Variants in ZNF658 observed in about 807,000 individuals in gnomAD.
The protein encoded by ZNF658 is zinc finger protein 658.
Under a neutral mutation model 78.0 loss-of-function variants are expected in ZNF658, and 46 were observed. The observed-to-expected ratio is 0.59, with a 90% CI of 0.47 to 0.75. The LOEUF is 0.75. ZNF658 is among the 30% of genes least tolerant of loss of function. The probability of loss-of-function intolerance (pLI) is 0.00; values close to 1 mark genes in which losing one functional copy is unlikely to be tolerated. For missense variants in ZNF658, 785 were observed against 1,189.3 expected, an observed-to-expected ratio of 0.66 and a Z score of 5.00; for synonymous variants, 279 against 408.4, an observed-to-expected ratio of 0.68 and a Z score of 3.82.
rs759287129 is a variant in ZNF658 at position 66,918,524 on chromosome 9, A to G, written c.958A>G (p.Thr320Ala). 13 of 1,606,688 alleles carry G rather than the reference A, an allele frequency of 8.1e-6. 1 individual carries two copies. In the African/African-American group the frequency reaches 1.3e-4, roughly 17 times the overall value. The change falls in exon 5 of 5, where the codon ACA (threonine) becomes GCA (alanine). Residue 320 changes from threonine (T) to alanine (A), a missense_variant. This residue lies in a region of ZNF658 where 393 missense variants were observed against 400.2 expected (regional missense o/e 0.98). Transcript: ENST00000621410. ...CCTCACTCAATCTCAGAGAACTATT[A>G]CAGGATGGAGTGCTTTTGAAAGCAA... ...SPLTQSQRTI[T>A]GWSAFESNKC...
intron 6 of ZNF658, chr9:66,931,933 G>A (rs1229885824): frequency 6.6e-6 from 1 of 151,712 alleles, no homozygotes; most frequent in Non-Finnish European, 1.5e-5. Context: ...ACTTAATGAG[G>A]CTAAGTTGAA....
At chr9:66,913,445 AG>A (rs1822261509) in intron 4 of ZNF658, among the ~76,000 whole-genome samples, 1 of 149,420 alleles carries the variant, frequency 6.7e-6, no homozygotes, top group African/African-American at 2.5e-5. Context: ...AAAAAAAAAA[AG>A]TAGAAGCCTC....
rs1470958779 is a variant in ZNF658, at chr9:66,919,562, T to C, written c.1996T>C (p.Ser666Pro). Residue 666 changes from serine to proline, a missense_variant, in exon 5 of 5, where the codon TCT (serine) becomes CCT (proline). Ser to Pro is a moderately conservative substitution (Grantham distance 74, BLOSUM62 -1). Around this residue, in one of 12 missense-constraint regions of ZNF658, gnomAD observed 75 missense variants for 147.1 expected, o/e 0.51. Transcript: ENST00000621410. The part of the protein sequence containing the change: ...KPYECNECGR[S>P]FTYNSALRAH... ...CTATGAATGTAATGAATGTGGGAGA[T>C]CTTTCACCTACAATTCAGCCCTGAG... The C allele has an allele frequency of 1.3e-6, 2 of 1,562,302 alleles. No individual in the cohort carries two copies. The highest frequency in any genetic ancestry group is 2.3e-5 in the South Asian group (2 of 87,922).
chr9:66,913,723 A>T (rs1822269963), intron 4 of ZNF658, among the ~76,000 whole-genome samples: 1 of 149,150 alleles, frequency 6.7e-6, no homozygotes, highest in Admixed American at 6.7e-5. Context: ...TTTTACACTT[A>T]GTTGATAATC....
downstream of ZNF658, among the ~76,000 whole-genome samples, chr9:66,925,591 T>C: frequency 6.6e-6 from 1 of 151,812 alleles, no homozygotes; most frequent in Admixed American, 6.6e-5. Context: ...ATCAAATCAG[T>C]AATAAAAAAA....
At chr9:66,910,476 A>G (rs920591670) in intron 4 of ZNF658, among the ~76,000 whole-genome samples, 7 of 151,658 alleles carry the variant, frequency 4.6e-5, no homozygotes, top group African/African-American at 1.7e-4. Flanking sequence ...TAAAAAGGAT[A>G]TCCCTAAATA....
intron 2 of ZNF658, among the ~76,000 whole-genome samples, chr9:66,905,662 G>A (rs1365439559): frequency 7.5e-6 from 1 of 133,438 alleles, no homozygotes; most frequent in African/African-American, 3.1e-5. Flanking sequence ...CTGTTGAACA[G>A]GTGTTTTTGG....
At position 66,910,872 on chromosome 9, in the gene ZNF658, A is replaced by C. The variant is rs963530140; in HGVS notation, c.238+2138A>C. Among the ~76,000 whole-genome samples, 3 of 150,952 alleles carry C rather than the reference A, an allele frequency of 2.0e-5. No homozygotes were observed. In the Admixed American group the frequency reaches 2.0e-4, roughly 10 times the overall value. The stretch of plus-strand genomic sequence containing the variant: ...TAAAATAATGTAGATTTCATGTTCT[A>C]TATCATTCAGATTTGAATTCAGGCA... On this transcript the variant is annotated intron_variant, in intron 4 of 4. Coordinates refer to ENST00000621410, the MANE Select transcript of ZNF658 (RefSeq NM_033160.7).
chr9:66,923,212 C>T (rs967364858), downstream of ZNF658, among the ~76,000 whole-genome samples: 1 of 151,154 alleles, frequency 6.6e-6, no homozygotes, highest in Non-Finnish European at 1.5e-5. Context: ...AGCCGAAGAA[C>T]TTGGAGTCCA....
At chr9:66,904,361 T>G (rs986430545) in intron 2 of ZNF658, among the ~76,000 whole-genome samples, 60 of 151,784 alleles carry the variant, frequency 4.0e-4, no homozygotes, top group African/African-American at 1.4e-3. Flanking sequence ...ACATTTCCGT[T>G]AGTGATACTT....
At chr9:66,910,262 A>G (rs991877362) in intron 4 of ZNF658, among the ~76,000 whole-genome samples, 3 of 152,180 alleles carry the variant, frequency 2.0e-5, no homozygotes, top group Admixed American at 6.5e-5. Context: ...GTACGAATAA[A>G]TGATTCCAGA....
intron 4 of ZNF658, 97 bp from the exon 5 acceptor site, chr9:66,917,708 A>G (rs2118068508): frequency 1.5e-6 from 2 of 1,295,678 alleles, no homozygotes; most frequent in Non-Finnish European, 2.1e-6. Flanking sequence ...GCAATACCCT[A>G]TTTCAAAAAC....
intron 2 of ZNF658, among the ~76,000 whole-genome samples, chr9:66,904,263 G>A (rs957578721): frequency 2.0e-5 from 3 of 152,044 alleles, no homozygotes; most frequent in Non-Finnish European, 2.9e-5. Flanking sequence ...CCTACCCATA[G>A]TATAATCAAA....
chr9:66,915,074 C>G (rs1822303185), intron 4 of ZNF658, among the ~76,000 whole-genome samples: 1 of 151,566 alleles, frequency 6.6e-6, no homozygotes, highest in Admixed American at 6.6e-5. Flanking sequence ...CACACACACA[C>G]ACACACACAC....
At chr9:66,905,083 T>C (rs1822048325) in intron 2 of ZNF658, among the ~76,000 whole-genome samples, 1 of 114,628 alleles carries the variant, frequency 8.7e-6, no homozygotes, top group African/African-American at 3.5e-5. Flanking sequence ...TTTTTTTTTT[T>C]TTTTTTTTTT....
intron 3 of ZNF658, 95 bp from the exon 4 acceptor site, chr9:66,908,544 A>G (rs559748113): frequency 2.2e-5 from 33 of 1,468,970 alleles, no homozygotes; most frequent in Non-Finnish European, 2.9e-5. Flanking sequence ...TTTCAAATGA[A>G]CACCCTCAGT....
At position 66,920,554 on chromosome 9, in the gene ZNF658, T is replaced by C; in HGVS notation, c.2988T>C (p.Cys996=). The change falls in exon 5 of 5, where the codon TGT becomes TGC. Residue 996 remains cysteine (C), a synonymous_variant. Transcript: ENST00000621410. ...RIHTGEKPYE[C]NECGKAFAQN... Reference sequence around the variant, plus strand: ...ACACAGGGGAGAAACCCTATGAGTGTAATGAATGCGGAAAAGCTTTTGCCC... The same window carrying C: ...ACACAGGGGAGAAACCCTATGAGTGCAATGAATGCGGAAAAGCTTTTGCCC... The C allele has an allele frequency of 1.5e-6, 2 of 1,294,708 alleles. No individual in the cohort carries two copies. Among genetic ancestry groups the C allele is most frequent in the Non-Finnish European group, 2.1e-6 (2 of 936,900 alleles). 80.2% of individuals were successfully genotyped at this position (1,294,708 alleles called of 1,614,324 possible). A position where few individuals can be genotyped will look rare whatever the true frequency, so the allele number is the denominator to read the frequency against.
At chr9:66,910,271 G>T (rs1422295793) in intron 4 of ZNF658, among the ~76,000 whole-genome samples, 8 of 152,046 alleles carry the variant, frequency 5.3e-5, no homozygotes, top group Non-Finnish European at 8.8e-5. Flanking sequence ...AATGATTCCA[G>T]AAATCTTAAA....
chr9:66,909,645 T>G (rs954339021), intron 4 of ZNF658, among the ~76,000 whole-genome samples: 2 of 152,180 alleles, frequency 1.3e-5, no homozygotes, highest in Non-Finnish European at 2.9e-5. Flanking sequence ...ACCACCAGAC[T>G]GTTTTTCTAA....
Sources: gnomAD v4.1 joint callset for allele counts (sites outside exome capture counted in the v4.1 genomes callset) on GRCh38, gnomAD v4.1.1 for gene constraint, gnomAD v4.1.1 regional missense constraint, MANE v1.5 for transcripts, NCBI Gene and HGNC (gene_info 2026-07-23, HGNC 2026-07-21) for gene names.